The following RPL9 variants were observed in gnomAD, a reference collection of about 807,000 sequenced individuals.
RPL9 encodes large ribosomal subunit protein uL6.
For synonymous variants in RPL9, 82 were observed against 77.1 expected, an observed-to-expected ratio of 1.06 and a Z score of -0.33; for missense variants, 149 against 236.7, an observed-to-expected ratio of 0.63 and a Z score of 2.43.
At chr4:39,458,158 A>T in intron 3 of RPL9, 36 bp downstream of exon 3, 1 of 1,604,772 alleles carries the variant, frequency 6.2e-7, no homozygotes. Context: ...ACCACCTTCC[A>T]ACGAGCAACT....
In RPL9 at chr4:39,457,655, G is replaced by C. The variant is rs759568199; in HGVS notation, c.189C>G (p.Asn63Lys). The C allele has an allele frequency of 6.2e-7, 1 of 1,614,090 alleles. No individual in the cohort carries two copies. The change falls in exon 4 of 8, where the codon AAC (asparagine) becomes AAG (lysine). Residue 63 changes from asparagine to lysine, a missense_variant. Transcript: ENST00000295955. ...TCCGAACGGTAGCCAGTTCCTTTCTGTTACCCCACCATTTGTCAACCCGGA... is the reference window on the plus strand; with the variant it reads ...TCCGAACGGTAGCCAGTTCCTTTCTCTTACCCCACCATTTGTCAACCCGGA... Reference protein sequence around the residue: ...KRLRVDKWWGNRKELATVRTI... With the variant: ...KRLRVDKWWGKRKELATVRTI...
At position 39,454,596 on chromosome 4, in the gene RPL9, A is replaced by G. The variant is rs775432346; in HGVS notation, c.526T>C (p.Leu176=). The G allele has an allele frequency of 1.2e-6, 2 of 1,613,572 alleles. No homozygotes were observed. Among genetic ancestry groups the G allele is most frequent in the Admixed American group, 1.7e-5 (1 of 59,984 alleles). ...TVKNKDIRKF[L]DGIYVSEKGT... is the part of the protein sequence containing the mutation. Reference sequence around the variant, plus strand: ...TTTTCAGAGACATAGATACCATCCAAAAATTTCCTGATATCCTTGTTTTTA... The same window carrying G: ...TTTTCAGAGACATAGATACCATCCAGAAATTTCCTGATATCCTTGTTTTTA... Residue 176 remains leucine (L), a synonymous_variant, in exon 7 of 8, where the codon TTG becomes CTG. Transcript: ENST00000295955.
chr4:39,455,032 T>A, intron 5 of RPL9, 88 bp from the exon 6 acceptor site: 1 of 1,282,506 alleles, frequency 7.8e-7, no homozygotes, highest in African/African-American at 1.5e-5. Flanking sequence ...CATGTAAAAC[T>A]CCATGCACCA....
chr4:39,458,587 G>A (rs1744235181), intron 1 of RPL9, 147 bp from the exon 2 acceptor site: 4 of 769,312 alleles, frequency 5.2e-6, no homozygotes, highest in South Asian at 1.7e-5. Context: ...GCGGGCCCCA[G>A]TGTGTCCCAG....
chr4:39,457,490 A>G (rs1013729063), intron 4 of RPL9, 96 bp downstream of exon 4: 8 of 1,053,758 alleles, frequency 7.6e-6, no homozygotes, highest in Non-Finnish European at 1.2e-5. Flanking sequence ...AATAAAATAC[A>G]TGACCCATTC....
At chr4:39,458,603 A>G in intron 1 of RPL9, 163 bp from the exon 2 acceptor site, 1 of 695,780 alleles carries the variant, frequency 1.4e-6, no homozygotes. Flanking sequence ...CCCAGCCTGG[A>G]AGGAGCAGCC....
At chr4:39,454,488 T>C (rs1467988914) in intron 7 of RPL9, 45 bp downstream of exon 7, 6 of 1,392,956 alleles carry the variant, frequency 4.3e-6, no homozygotes, top group South Asian at 3.8e-5. Flanking sequence ...AAGAGCTTCA[T>C]TCAACTAGAG....
intron 1 of RPL9, 77 bp downstream of exon 1, chr4:39,458,814 G>A (rs1433692119): frequency 1.9e-5 from 13 of 688,386 alleles, no homozygotes; most frequent in East Asian, 8.3e-5. Context: ...TCCGAGAGTG[G>A]GAGCCGCGCC....
intron 5 of RPL9, chr4:39,455,152 A>G: frequency 2.0e-6 from 1 of 492,796 alleles, no homozygotes; most frequent in Non-Finnish European, 3.6e-6. Flanking sequence ...GATCGAAACC[A>G]TCCTGGCTAA....
At chr4:39,456,591 AG>A in intron 4 of RPL9, 53 bp from the exon 5 acceptor site, 1 of 1,579,556 alleles carries the variant, frequency 6.3e-7, no homozygotes. Context: ...TATTTTTAAT[AG>A]TTTTAAAATT....
chr4:39,458,744 C>T, intron 1 of RPL9, 147 bp downstream of exon 1: 1 of 662,616 alleles, frequency 1.5e-6, no homozygotes, highest in Admixed American at 2.2e-5. Context: ...ACAGGATTCG[C>T]ATCTGGCGCC....
Position 39,456,364 on chromosome 4 carries a change from G to T in RPL9, c.391+42C>A, listed in dbSNP as rs377130088. ...GAGTGGAAAAGGAGGAAAAAAATATGAAGGAAAAATTTCTTAATTCTGTCT... is the reference window on the plus strand; with the variant it reads ...GAGTGGAAAAGGAGGAAAAAAATATTAAGGAAAAATTTCTTAATTCTGTCT... On this transcript the variant is annotated intron_variant, in intron 5 of 7. Transcript: ENST00000295955. The T allele has an allele frequency of 3.1e-6, 5 of 1,612,178 alleles. No individual in the cohort carries two copies. In the African/African-American group the frequency reaches 5.3e-5, roughly 17 times the overall value.
intron 4 of RPL9, 61 bp from the exon 5 acceptor site, chr4:39,456,599 A>C (rs751485347): frequency 5.8e-6 from 9 of 1,564,350 alleles, no homozygotes; most frequent in Non-Finnish European, 6.9e-6. Flanking sequence ...ATAGTTTTAA[A>C]ATTTTCTAAG....
chr4:39,456,335 T>C, intron 5 of RPL9, 71 bp downstream of exon 5: 1 of 1,542,446 alleles, frequency 6.5e-7, no homozygotes, highest in Non-Finnish European at 9.0e-7. Context: ...AGTATGGAAG[T>C]TGGGAGTGGA....
Position 39,458,456 on chromosome 4 carries a change from TG to T in RPL9, c.-1-17del, listed in dbSNP as rs1744220872. The T allele has an allele frequency of 1.2e-6, 2 of 1,613,788 alleles. No homozygotes were observed. Among genetic ancestry groups the T allele is most frequent in the African/African-American group, 1.3e-5 (1 of 74,906 alleles). ...AGTCTTCATTCTGAAACACAAACACTGGGGGTGAGGCCGACGCAAGGCCCGT... is the reference window on the plus strand; with the variant it reads ...AGTCTTCATTCTGAAACACAAACACTGGGGTGAGGCCGACGCAAGGCCCGT... On this transcript the variant is annotated splice_polypyrimidine_tract_variant and intron_variant, in intron 1 of 7. Coordinates refer to ENST00000295955, the MANE Select transcript of RPL9 (RefSeq NM_000661.5).
chr4:39,457,975 A>G (rs991201619), intron 3 of RPL9: 5 of 686,826 alleles, frequency 7.3e-6, no homozygotes, highest in Non-Finnish European at 7.9e-6. Flanking sequence ...CACCATTAAG[A>G]CGTGTCACTG....
At position 39,457,678 on chromosome 4, in the gene RPL9, G is replaced by A. The variant is rs1430767449; in HGVS notation, c.166C>T (p.Arg56Trp). 1.2e-5 allele frequency: 19 copies of A among 1,613,688 alleles called. No homozygotes were observed. The highest frequency in any genetic ancestry group is 1.7e-5 in the Admixed American group (1 of 59,986). ...SLLGKKKKRL[R>W]VDKWWGNRKE... The stretch of plus-strand genomic sequence containing the variant: ...CTGTTACCCCACCATTTGTCAACCC[G>A]GAGCTGTAACAGAACAAAAAATGTA... The change falls in exon 4 of 8, where the codon CGG (arginine) becomes TGG (tryptophan). Residue 56 changes from arginine to tryptophan, a missense_variant. Coordinates refer to ENST00000295955, the MANE Select transcript of RPL9 (RefSeq NM_000661.5).
In RPL9 at chr4:39,458,886, C is replaced by G. The variant is rs367698915; in HGVS notation, c.-2+5G>C. 3.9e-4 allele frequency: 276 copies of G among 702,216 alleles called. 3 individuals carry two copies. In the South Asian group the frequency reaches 4.0e-3, roughly 10 times the overall value. The allele number at this position is 702,216 out of a possible 1,614,324, so 43.5% of individuals were successfully genotyped here. ...GTACCCCCACGAGCACAGAAACATC[C>G]TTACCTCGCAGTAGACGCAGCAAAG... On this transcript the variant is annotated splice_donor_5th_base_variant and intron_variant, in intron 1 of 7. Transcript: ENST00000295955.
intron 2 of RPL9, 21 bp downstream of exon 2, chr4:39,458,373 A>G: frequency 6.2e-7 from 1 of 1,614,090 alleles, no homozygotes; most frequent in Middle Eastern, 1.7e-4. Context: ...AGATGTAAGT[A>G]AAAGACATCA....
Sources: allele counts gnomAD v4.1 joint callset, GRCh38; gene constraint gnomAD v4.1.1; transcripts MANE v1.5; gene names NCBI Gene and HGNC (gene_info 2026-07-23, HGNC 2026-07-21).